RTKN: variants seen among roughly 807,000 people sequenced by gnomAD.
The protein encoded by RTKN is rhotekin.
A neutral mutation model predicts 63.5 loss-of-function variants in RTKN; 49 were observed. That is an observed-to-expected ratio of 0.77 (90% CI 0.61 to 0.98). The LOEUF is 0.98. RTKN is among the 50% of genes least tolerant of loss of function. The pLI is 0.00. For synonymous variants in RTKN, 295 were observed against 290.4 expected, an observed-to-expected ratio of 1.02 and a Z score of -0.16; for missense variants, 685 against 740.8, an observed-to-expected ratio of 0.92 and a Z score of 0.87.
At chr2:74,431,738 T>G (rs923516040) in intron 2 of RTKN, 1 of 152,928 alleles carries the variant, frequency 6.5e-6, no homozygotes, top group Non-Finnish European at 1.5e-5. Flanking sequence ...ATGGGCACCA[T>G]ACCTGTGAGG....
chr2:74,426,292 C>G lies in RTKN; in HGVS notation c.1643G>C (p.Gly548Ala), dbSNP rs779152024. 1.1e-5 allele frequency: 17 copies of G among 1,613,928 alleles called. No individual in the cohort carries two copies. Among genetic ancestry groups the G allele is most frequent in the Admixed American group, 1.7e-5 (1 of 59,988 alleles). Residue 548 changes from glycine to alanine, a missense_variant, in exon 12 of 12, where the codon GGC becomes GCC. Physicochemically the swap from Gly to Ala is moderately conservative, Grantham distance 60. Coordinates refer to ENST00000272430, the MANE Select transcript of RTKN (RefSeq NM_001015055.2). ...GCGAGGTTGGCCTTTGCTGCAGAGG[C>G]CTCTGGTCCGTGGGGATCGCTGAGG... ...LPPQRSPRTR[G>A]LCSKGQPRTW...
chr2:74,430,951 T>G, intron 2 of RTKN: 1 of 459,214 alleles, frequency 2.2e-6, no homozygotes, highest in South Asian at 3.7e-5. Flanking sequence ...CCTGACCACC[T>G]CTCCAGATCC....
intron 5 of RTKN, 96 bp downstream of exon 5, chr2:74,430,156 C>A: frequency 6.7e-7 from 1 of 1,499,112 alleles, no homozygotes. Context: ...CCCTCCTCTC[C>A]ACCCTGCCCC....
intron 2 of RTKN, chr2:74,431,951 T>C (rs1033357223): frequency 4.6e-6 from 1 of 215,604 alleles, no homozygotes. Context: ...TCAGTGTTGC[T>C]TACATTTTAC....
Position 74,441,744 on chromosome 2 carries a change from C to T in RTKN, c.73G>A (p.Gly25Ser), listed in dbSNP as rs1261470657. 2 of 1,612,010 alleles carry T rather than the reference C, an allele frequency of 1.2e-6. No individual in the cohort carries two copies. The highest frequency in any genetic ancestry group is 1.3e-5 in the African/African-American group (1 of 75,042). ...GSALEMEFKR[G>S]RFRLSLFSDL... ...CTGAAGAGGCTGAGTCGGAAGCGGCCGCGTTTGAACTCCATCTCCAGGGCG... is the reference window on the plus strand; with the variant it reads ...CTGAAGAGGCTGAGTCGGAAGCGGCTGCGTTTGAACTCCATCTCCAGGGCG... The change falls in exon 1 of 12, where the codon GGC becomes AGC. Residue 25 changes from glycine (G) to serine (S), a missense_variant. Gly to Ser is a moderately conservative substitution (Grantham distance 56, BLOSUM62 0). Coordinates refer to ENST00000272430, the MANE Select transcript of RTKN (RefSeq NM_001015055.2).
intron 1 of RTKN, among the ~76,000 whole-genome samples, chr2:74,441,094 G>A (rs1671342037): frequency 6.6e-6 from 1 of 152,242 alleles, no homozygotes; most frequent in African/African-American, 2.4e-5. Context: ...GACGGCGGAC[G>A]GGGGAAACGC....
chr2:74,441,668 A>C, intron 1 of RTKN, 38 bp downstream of exon 1: 1 of 1,473,282 alleles, frequency 6.8e-7, no homozygotes, highest in Non-Finnish European at 9.4e-7. Flanking sequence ...TGCCCCCGGG[A>C]GCCGCGGAAG....
At chr2:74,426,738 G>T in intron 11 of RTKN, 164 bp from the exon 12 acceptor site, 1 of 1,379,802 alleles carries the variant, frequency 7.2e-7, no homozygotes, top group Non-Finnish European at 9.3e-7. Flanking sequence ...TGGGCCCCCT[G>T]GGGCTACAGG....
intron 1 of RTKN, chr2:74,439,678 A>G: frequency 6.2e-7 from 1 of 1,609,280 alleles, no homozygotes; most frequent in Non-Finnish European, 8.5e-7. Flanking sequence ...GGGGACAGAT[A>G]GGTACCACAC....
rs368818515 is a variant in RTKN at position 74,428,958 on chromosome 2, G to A, written c.756-16C>T. On this transcript the variant is annotated splice_polypyrimidine_tract_variant and intron_variant, in intron 6 of 11. Coordinates refer to ENST00000272430, the MANE Select transcript of RTKN (RefSeq NM_001015055.2). Reference sequence around the variant, plus strand: ...ACGAGGACCACTGAGGGAGATAGGAGAGAGCATCAGCCAAGGGAGGGGCAT... The same window carrying A: ...ACGAGGACCACTGAGGGAGATAGGAAAGAGCATCAGCCAAGGGAGGGGCAT... 2 of 1,604,436 alleles carry A rather than the reference G, an allele frequency of 1.2e-6. No homozygotes were observed. The highest frequency in any genetic ancestry group is 2.7e-5 in the African/African-American group (2 of 74,710).
chr2:74,437,088 T>C (rs368360999), intron 1 of RTKN, among the ~76,000 whole-genome samples: 24 of 152,100 alleles, frequency 1.6e-4, no homozygotes, highest in South Asian at 8.3e-4. Context: ...TCACTACCCT[T>C]TTTTCCCTTC....
At position 74,432,684 on chromosome 2, in the gene RTKN, A is replaced by G; in HGVS notation, c.112-18T>C. 1 of 1,611,318 alleles carries G rather than the reference A, an allele frequency of 6.2e-7. No individual in the cohort carries two copies. Among genetic ancestry groups the G allele is most frequent in the Non-Finnish European group, 8.5e-7 (1 of 1,177,958 alleles). On this transcript the variant is annotated intron_variant, in intron 1 of 11. Coordinates refer to ENST00000272430, the MANE Select transcript of RTKN (RefSeq NM_001015055.2). ...TCCGTGTCCTAGCCAGGGTTGGGGG[A>G]AGGGTGAGAAGGAAATGTCAGTCAG...
chr2:74,439,492 A>C, intron 1 of RTKN: 52 of 1,562,602 alleles, frequency 3.3e-5, no homozygotes, highest in South Asian at 4.5e-5. Flanking sequence ...TGGGCAGGGC[A>C]GAGATTGGGG....
At chr2:74,429,004 A>C in intron 6 of RTKN, 62 bp from the exon 7 acceptor site, 1 of 1,322,590 alleles carries the variant, frequency 7.6e-7, no homozygotes. Flanking sequence ...AGGAACTCTA[A>C]GGGCTGAGCA....
chr2:74,432,415 C>A (rs770271227), intron 2 of RTKN, 52 bp downstream of exon 2: 4 of 1,547,042 alleles, frequency 2.6e-6, no homozygotes, highest in Non-Finnish European at 3.5e-6. Context: ...TGCACCACCA[C>A]CACCCAGAAG....
chr2:74,430,141 G>A (rs896374402), intron 5 of RTKN, 104 bp from the exon 6 acceptor site: 2 of 1,501,550 alleles, frequency 1.3e-6, no homozygotes, highest in African/African-American at 2.8e-5. Context: ...GAGAAGGCCA[G>A]GTGCCCCTCC....
In RTKN at chr2:74,441,857, G is replaced by C. The variant is rs757202537; in HGVS notation, c.-41C>G. 7 of 1,312,486 alleles carry C rather than the reference G, an allele frequency of 5.3e-6. No homozygotes were observed. The highest frequency in any genetic ancestry group is 1.4e-5 in the African/African-American group (1 of 69,458). 81.3% of individuals were successfully genotyped at this position (1,312,486 alleles called of 1,614,324 possible). A position where few individuals can be genotyped will look rare whatever the true frequency, so the allele number is the denominator to read the frequency against. On this transcript the variant is annotated 5_prime_UTR_variant, in exon 1 of 12. Coordinates refer to ENST00000272430, the MANE Select transcript of RTKN (RefSeq NM_001015055.2). ...ACTTTGCCTGCTCAGTGCGCTCCCC[G>C]CGCCGCCCGGCTTAGCCTCCTCTCC...
rs370312984 is a variant in RTKN, at chr2:74,428,833, C to T, written c.850+15G>A. ...CCATCACATGTGTATGTCCCCCATG[C>T]ACACACATACTTACCATGACTGGCA... On this transcript the variant is annotated intron_variant, in intron 7 of 11. Transcript: ENST00000272430. The T allele has an allele frequency of 1.7e-4, 269 of 1,611,334 alleles. No individual in the cohort carries two copies. Among genetic ancestry groups the T allele is most frequent in the Admixed American group, 2.3e-4 (14 of 59,962 alleles).
intron 1 of RTKN, among the ~76,000 whole-genome samples, chr2:74,435,933 C>T (rs1671030126): frequency 6.6e-6 from 1 of 152,238 alleles, no homozygotes; most frequent in Non-Finnish European, 1.5e-5. Context: ...CTTCCCCCAT[C>T]ACCATCCACC....
Sources: allele counts gnomAD v4.1 joint callset (sites outside exome capture counted in the v4.1 genomes callset), GRCh38; gene constraint gnomAD v4.1.1; transcripts MANE v1.5; gene names NCBI Gene and HGNC (gene_info 2026-07-23, HGNC 2026-07-21).